The following RBFOX1 variants were observed in gnomAD, a reference collection of about 807,000 sequenced individuals.
The protein encoded by RBFOX1 is RNA binding protein fox-1 homolog 1.
RBFOX1 carries 8 observed loss-of-function variants against 57.7 expected under a neutral mutation model. That is an observed-to-expected ratio of 0.14 (90% CI 0.08 to 0.25). RBFOX1 has a LOEUF of 0.25. Among genes scored for constraint, RBFOX1 ranks in the 10% least tolerant of loss-of-function variants. RBFOX1 has a pLI of 1.00. For missense variants in RBFOX1, 611 were observed against 548.5 expected, an observed-to-expected ratio of 1.11 and a Z score of -1.14; for synonymous variants, 326 against 222.4, an observed-to-expected ratio of 1.47 and a Z score of -4.15.
At chr16:7,040,902 GTTTTTTTGTTTTTTTGT>G (rs2153706105) in intron 3 of RBFOX1, among the ~76,000 whole-genome samples, 1 of 88,382 alleles carries the variant, frequency 1.1e-5, no homozygotes, top group South Asian at 5.0e-4. Context: ...TTTTTGTTTT[GTTTTTTTGTTTTTTTGT>G]TTTTTTGCTG....
chr16:7,470,207 A>G (rs1364511795), intron 4 of RBFOX1, among the ~76,000 whole-genome samples: 1 of 152,226 alleles, frequency 6.6e-6, no homozygotes, highest in Non-Finnish European at 1.5e-5. Context: ...TCTCTATCAT[A>G]GAACTTATCT....
chr16:7,703,132 C>A (rs893596529), intron 14 of RBFOX1, among the ~76,000 whole-genome samples: 1 of 152,226 alleles, frequency 6.6e-6, no homozygotes, highest in Admixed American at 6.5e-5. Context: ...TGCCCTGTTG[C>A]TATGCTGTAC....
chr16:5,540,617 C>T (rs937949963), intron 2 of RBFOX1, among the ~76,000 whole-genome samples: 7 of 152,176 alleles, frequency 4.6e-5, no homozygotes, highest in Non-Finnish European at 8.8e-5. Flanking sequence ...GTGTCAGAAT[C>T]ACCTGACGCG....
intron 3 of RBFOX1, among the ~76,000 whole-genome samples, chr16:5,648,113 A>G (rs537279228): frequency 1.3e-5 from 2 of 151,916 alleles, no homozygotes; most frequent in African/African-American, 4.8e-5. Flanking sequence ...GCCTGCCTCT[A>G]CCTCCCAGAG....
At chr16:7,298,497 G>C (rs982228514) in intron 4 of RBFOX1, among the ~76,000 whole-genome samples, 1 of 151,842 alleles carries the variant, frequency 6.6e-6, no homozygotes, top group Non-Finnish European at 1.5e-5. Context: ...TCACCATCTT[G>C]GCCAGTCTCA....
chr16:6,392,525 A>T (rs1319072654), intron 2 of RBFOX1, among the ~76,000 whole-genome samples: 1 of 152,218 alleles, frequency 6.6e-6, no homozygotes, highest in Non-Finnish European at 1.5e-5. Context: ...TGTAAAGTTA[A>T]AGCTAAATGT....
At chr16:5,559,390 G>A (rs896225429) in intron 2 of RBFOX1, among the ~76,000 whole-genome samples, 3 of 152,140 alleles carry the variant, frequency 2.0e-5, no homozygotes, top group Admixed American at 2.0e-4. Context: ...GTGATCCTCA[G>A]ATCTGAAATA....
At chr16:5,857,446 A>G (rs1286500599) in intron 3 of RBFOX1, among the ~76,000 whole-genome samples, 2 of 152,302 alleles carry the variant, frequency 1.3e-5, no homozygotes, top group East Asian at 1.9e-4. Flanking sequence ...TGCTTGACAC[A>G]GGGTTGCCGT....
At chr16:6,518,707 A>G (rs796481340) in intron 2 of RBFOX1, among the ~76,000 whole-genome samples, 17 of 152,008 alleles carry the variant, frequency 1.1e-4, no homozygotes, top group African/African-American at 3.4e-4. Context: ...GTATCTGTCC[A>G]TCCGTCCGTC....
chr16:5,640,535 C>T (rs193221394), intron 3 of RBFOX1, among the ~76,000 whole-genome samples: 6 of 150,752 alleles, frequency 4.0e-5, no homozygotes, highest in South Asian at 4.2e-4. Context: ...TGCACATACA[C>T]ACATGCACAT....
chr16:7,636,150 A>C (rs542916124), intron 11 of RBFOX1, among the ~76,000 whole-genome samples: 2 of 152,356 alleles, frequency 1.3e-5, no homozygotes, highest in Admixed American at 1.3e-4. Flanking sequence ...AGGAGATAGT[A>C]AAAATATTTG....
At chr16:6,998,129 TTATC>T (rs771328349) in intron 3 of RBFOX1, among the ~76,000 whole-genome samples, 11 of 152,124 alleles carry the variant, frequency 7.2e-5, no homozygotes, top group Non-Finnish European at 1.3e-4. Flanking sequence ...TAGTATATAA[TTATC>T]TATTTATTTA....
At chr16:6,559,504 G>A (rs1189476474) in intron 2 of RBFOX1, among the ~76,000 whole-genome samples, 2 of 152,038 alleles carry the variant, frequency 1.3e-5, no homozygotes, top group Non-Finnish European at 2.9e-5. Context: ...GAGAAAACAT[G>A]AATTTCATGT....
chr16:6,758,982 C>T (rs974809215), intron 3 of RBFOX1, among the ~76,000 whole-genome samples: 7 of 152,020 alleles, frequency 4.6e-5, no homozygotes, highest in African/African-American at 1.7e-4. Context: ...GGATGTTGAA[C>T]TTAAATCTAT....
chr16:7,213,793 A>G (rs2091568546), intron 4 of RBFOX1, among the ~76,000 whole-genome samples: 1 of 152,202 alleles, frequency 6.6e-6, no homozygotes, highest in East Asian at 1.9e-4. Flanking sequence ...AATCTACTTA[A>G]TGTCAAAGCC....
intron 3 of RBFOX1, among the ~76,000 whole-genome samples, chr16:5,657,733 T>C (rs1393508012): frequency 4.9e-5 from 1 of 20,584 alleles, no homozygotes; most frequent in Non-Finnish European, 2.5e-4. Context: ...GTTTCTTTTC[T>C]TTTCTTTTTT....
In RBFOX1 at chr16:5,368,386, C is replaced by G. The variant is rs1452898924; in HGVS notation, c.220-98830C>G. Among the ~76,000 whole-genome samples the G allele has an allele frequency of 3.3e-5, 5 of 152,186 alleles. No homozygotes were observed. The East Asian group carries it at 9.6e-4, about 29-fold the overall frequency. ...AGAATTGCTCTGCAATGTCGGGGCACCTAACCAATGTGGGTTTTCATCTCC... is the reference window on the plus strand; with the variant it reads ...AGAATTGCTCTGCAATGTCGGGGCAGCTAACCAATGTGGGTTTTCATCTCC... On this transcript the variant is annotated intron_variant, in intron 1 of 2. Transcript: ENST00000585867.
At chr16:6,157,227 C>T (rs928133589) in intron 1 of RBFOX1, among the ~76,000 whole-genome samples, 5 of 151,940 alleles carry the variant, frequency 3.3e-5, no homozygotes, top group Admixed American at 6.6e-5. Context: ...ATAAAAGAGA[C>T]ATAAATGTAG....
At chr16:7,698,363 T>C (rs1036850048) in intron 14 of RBFOX1, among the ~76,000 whole-genome samples, 2 of 151,808 alleles carry the variant, frequency 1.3e-5, no homozygotes, top group Non-Finnish European at 2.9e-5. Flanking sequence ...CCATGTGGGG[T>C]GAGGGTAGGG....
Sources: gnomAD v4.1 joint callset for allele counts (sites outside exome capture counted in the v4.1 genomes callset) on GRCh38, gnomAD v4.1.1 for gene constraint, MANE v1.5 for transcripts, NCBI Gene and HGNC (gene_info 2026-07-23, HGNC 2026-07-21) for gene names.